PSMD5: variants seen among roughly 807,000 people sequenced by gnomAD.
PSMD5 encodes the protein 26S proteasome non-ATPase regulatory subunit 5.
In PSMD5, 40 loss-of-function variants were observed where a neutral mutation model predicts 52.1. That is an observed-to-expected ratio of 0.77 (90% CI 0.60 to 1.00). PSMD5 has a LOEUF of 1.00. Ranked by LOEUF, PSMD5 falls within the 50% of genes least tolerant of loss-of-function variation. The pLI is 0.00. For missense variants in PSMD5, 575 were observed against 605.2 expected (o/e 0.95, Z 0.52); for synonymous variants, 211 against 226.6 (o/e 0.93, Z 0.62).
chr9:120,823,574 T>C lies in PSMD5; in HGVS notation c.1006+920A>G, dbSNP rs111880853. On this transcript the variant is annotated intron_variant, in intron 7 of 9. Transcript: ENST00000210313. The stretch of plus-strand genomic sequence containing the variant: ...TCACCCAGGCTGGAGTGTAGTGGCA[T>C]GATCTCAGCTCACTGCAACCTCCAC... Among the ~76,000 whole-genome samples, 1,419 of 149,410 alleles carry C rather than the reference T, an allele frequency of 9.5e-3. 29 individuals carry two copies. The highest frequency in any genetic ancestry group is 0.033 in the African/African-American group (1,342 of 40,496).
intron 9 of PSMD5, among the ~76,000 whole-genome samples, chr9:120,819,775 G>A (rs1173831355): frequency 6.6e-6 from 1 of 152,144 alleles, no homozygotes; most frequent in East Asian, 1.9e-4. Flanking sequence ...GGTGGTGCTT[G>A]CAGTGAGCCA....
rs1449903508 is a variant in PSMD5 at position 120,816,722 on chromosome 9, GAGA to G, written c.*1181_*1183del. 4 of 152,240 alleles carry G rather than the reference GAGA, an allele frequency of 2.6e-5. No individual in the cohort carries two copies. Among genetic ancestry groups the G allele is most frequent in the Non-Finnish European group, 4.4e-5 (3 of 68,048 alleles). 9.4% of individuals were successfully genotyped at this position (152,240 alleles called of 1,614,324 possible). On this transcript the variant is annotated 3_prime_UTR_variant, in exon 10 of 10. Transcript: ENST00000210313. ...GAGTGCTTTGGCTTTGCTGTTTAGA[GAGA>G]AGAACACTGGAAAACAGGTGGGTGT...
rs554256815 is a variant in PSMD5, at chr9:120,824,333, T to C, written c.1006+161A>G. 8 of 627,488 alleles carry C rather than the reference T, an allele frequency of 1.3e-5. No individual in the cohort carries two copies. In the Admixed American group the frequency reaches 1.5e-4, roughly 12 times the overall value. 38.9% of individuals were successfully genotyped at this position (627,488 alleles called of 1,614,324 possible). A position where few individuals can be genotyped will look rare whatever the true frequency, so the allele number is the denominator to read the frequency against. On this transcript the variant is annotated intron_variant, in intron 7 of 9. Transcript: ENST00000210313. ...AAAAAAAAAAAAAGGTTTTCCGTAA[T>C]AATTATTAGATTTTCAGACATGAGT...
rs753706694 is a variant in PSMD5, at chr9:120,833,369, G to T, written c.261C>A (p.Asp87Glu). The change falls in exon 2 of 10, where the codon GAC becomes GAA. Residue 87 changes from aspartate to glutamate, a missense_variant. Asp to Glu is a conservative substitution (Grantham distance 45). Coordinates refer to ENST00000210313, the MANE Select transcript of PSMD5 (RefSeq NM_005047.4). ...PVHVARNLRVDLQRGLIHPDD... is the reference protein window; with the variant it reads ...PVHVARNLRVELQRGLIHPDD... ...CAGGGTGAATTAGTCCCCTCTGCAGGTCAACCCTGAGGTTCCGGGCCACGT... is the reference window on the plus strand; with the variant it reads ...CAGGGTGAATTAGTCCCCTCTGCAGTTCAACCCTGAGGTTCCGGGCCACGT... 2 of 1,613,956 alleles carry T rather than the reference G, an allele frequency of 1.2e-6. No individual in the cohort carries two copies. The highest frequency in any genetic ancestry group is 2.7e-5 in the African/African-American group (2 of 74,918).
intron 5 of PSMD5, among the ~76,000 whole-genome samples, 166 bp downstream of exon 5, chr9:120,828,933 C>T (rs1350200737): frequency 2.0e-5 from 3 of 152,178 alleles, no homozygotes; most frequent in East Asian, 1.9e-4. Context: ...TATGTTGTCA[C>T]GATGTAACTT....
At chr9:120,823,944 C>T (rs1239118232) in intron 7 of PSMD5, among the ~76,000 whole-genome samples, 2 of 151,258 alleles carry the variant, frequency 1.3e-5, no homozygotes, top group African/African-American at 2.4e-5. Flanking sequence ...GAAAATGAGG[C>T]CTAGAAAAGT....
intron 9 of PSMD5, among the ~76,000 whole-genome samples, chr9:120,819,860 T>G (rs1338628545): frequency 1.3e-5 from 2 of 152,028 alleles, no homozygotes; most frequent in Non-Finnish European, 2.9e-5. Flanking sequence ...TTCTGAAGAT[T>G]ATAGGAATAC....
intron 9 of PSMD5, 31 bp from the exon 10 acceptor site, chr9:120,818,194 C>T (rs996971068): frequency 6.3e-7 from 1 of 1,584,090 alleles, no homozygotes. Context: ...AATACAATTC[C>T]CCTGAGTGGA....
chr9:120,835,620 T>C (rs948485967), intron 1 of PSMD5, among the ~76,000 whole-genome samples: 44 of 151,640 alleles, frequency 2.9e-4, no homozygotes, highest in African/African-American at 1.0e-3. Flanking sequence ...CCCACCTACT[T>C]CAGGAGGCTG....
rs2045041540 is a variant in PSMD5 at position 120,816,292 on chromosome 9, ATGG to A, written c.*1611_*1613del. ...AAGATGAAAATAATTCTGAAGATGG[ATGG>A]TGGTGATGGTTGTACAACTTATGAA... is the stretch of plus-strand genomic sequence containing the variant. On this transcript the variant is annotated 3_prime_UTR_variant, in exon 10 of 10. Transcript: ENST00000210313. 1 of 152,330 alleles carries A rather than the reference ATGG, an allele frequency of 6.6e-6. No individual in the cohort carries two copies. Among genetic ancestry groups the A allele is most frequent in the African/African-American group, 2.4e-5 (1 of 41,460 alleles). 9.4% of individuals were successfully genotyped at this position (152,330 alleles called of 1,614,324 possible).
At chr9:120,825,977 G>A (rs1318398136) in intron 6 of PSMD5, among the ~76,000 whole-genome samples, 2 of 151,052 alleles carry the variant, frequency 1.3e-5, no homozygotes, top group Non-Finnish European at 2.9e-5. Flanking sequence ...GTAATTGTGG[G>A]CATCCTTGTC....
chr9:120,834,722 G>A (rs1360966587), intron 1 of PSMD5, among the ~76,000 whole-genome samples: 3 of 152,178 alleles, frequency 2.0e-5, no homozygotes, highest in African/African-American at 7.2e-5. Flanking sequence ...GAAAATCAAT[G>A]GCAGGCCATA....
Position 120,821,339 on chromosome 9 carries a change from T to C in PSMD5, c.1116+16A>G, listed in dbSNP as rs1225831666. On this transcript the variant is annotated intron_variant, in intron 8 of 9. Coordinates refer to ENST00000210313, the MANE Select transcript of PSMD5 (RefSeq NM_005047.4). The stretch of plus-strand genomic sequence containing the variant: ...AACATATCCCACTGTCCTTCATTAT[T>C]TCCCTACCTACTTACTGGTAAGTAC... 8.1e-6 allele frequency: 12 copies of C among 1,474,110 alleles called. No individual in the cohort carries two copies. In the Admixed American group the frequency reaches 2.2e-4, roughly 27 times the overall value. The allele number at this position is 1,474,110 out of a possible 1,614,324, so 91.3% of individuals were successfully genotyped here.
rs773825518 is a variant in PSMD5, at chr9:120,831,874, A to C, written c.390T>G (p.Ile130Met). The change falls in exon 3 of 10, where the codon ATT becomes ATG. Residue 130 changes from isoleucine (I) to methionine (M), a missense_variant. Ile to Met is a conservative substitution (Grantham distance 10, BLOSUM62 1). Coordinates refer to ENST00000210313, the MANE Select transcript of PSMD5 (RefSeq NM_005047.4). ...ILNNAELLKQ[I>M]VYCIGGENLS... ...GATTCTCTCCACCAATGCAATAAAC[A>C]ATTTGTTTTAGTAATTCAGCATTAT... 2 of 1,613,452 alleles carry C rather than the reference A, an allele frequency of 1.2e-6. No homozygotes were observed. Among genetic ancestry groups the C allele is most frequent in the Non-Finnish European group, 1.7e-6 (2 of 1,179,898 alleles).
chr9:120,839,998 C>T (rs1025534475), intron 1 of PSMD5, among the ~76,000 whole-genome samples: 1 of 150,902 alleles, frequency 6.6e-6, no homozygotes. Flanking sequence ...GGTGGTGGCA[C>T]GTGCCTATAG....
intron 5 of PSMD5, among the ~76,000 whole-genome samples, chr9:120,827,345 T>C (rs1282253995): frequency 6.6e-6 from 1 of 152,230 alleles, no homozygotes; most frequent in African/African-American, 2.4e-5. Context: ...TTAAAGCAAA[T>C]CCTAGTCACC....
intron 3 of PSMD5, 152 bp downstream of exon 3, chr9:120,831,680 C>A: frequency 8.0e-7 from 1 of 1,249,762 alleles, no homozygotes; most frequent in Non-Finnish European, 1.1e-6. Flanking sequence ...TACTTGACAA[C>A]CATTTATTTT....
chr9:120,827,439 T>C (rs2045130227), intron 5 of PSMD5, among the ~76,000 whole-genome samples: 1 of 152,208 alleles, frequency 6.6e-6, no homozygotes, highest in Non-Finnish European at 1.5e-5. Context: ...CACTGCCACA[T>C]ATTAAGAAAT....
intron 2 of PSMD5, among the ~76,000 whole-genome samples, chr9:120,832,266 G>A (rs2045166510): frequency 6.6e-6 from 1 of 152,050 alleles, no homozygotes. Context: ...CGTAAAATGG[G>A]AACACAATAT....
Sources: gnomAD v4.1 joint callset for allele counts (sites outside exome capture counted in the v4.1 genomes callset) on GRCh38, gnomAD v4.1.1 for gene constraint, MANE v1.5 for transcripts, NCBI Gene and HGNC (gene_info 2026-07-23, HGNC 2026-07-21) for gene names.